ISG20: variants seen among roughly 807,000 people sequenced by gnomAD.
ISG20 encodes interferon stimulated exonuclease gene 20, also known as interferon-stimulated gene 20 kDa protein.
Under a neutral mutation model 11.1 loss-of-function variants are expected in ISG20, and 8 were observed. The ratio of observed to expected loss-of-function variants is 0.72; its 90% CI spans 0.42 to 1.30. The LOEUF is 1.30. Ranked by LOEUF, ISG20 falls within the 50% of genes most tolerant of loss-of-function variation. ISG20 has a pLI of 0.01. For missense variants in ISG20, 243 were observed against 250.2 expected, an observed-to-expected ratio of 0.97 and a Z score of 0.19; for synonymous variants, 110 against 101.7, an observed-to-expected ratio of 1.08 and a Z score of -0.49.
In ISG20 at chr15:88,650,357, C is replaced by T. The variant is rs1195836653; in HGVS notation, c.229-1753C>T. On this transcript the variant is annotated intron_variant, in intron 2 of 3. Coordinates refer to ENST00000306072, the MANE Select transcript of ISG20 (RefSeq NM_002201.6). The surrounding 1 kb of genome is among the most constrained non-coding windows in gnomAD (Gnocchi z 4.0). ...GAGGAACGCGGGGCTGGGGCAGTCA[C>T]AGCTGGGCGCCTGGGCTGCTGGAGG... 2 of 1,533,794 alleles carry T rather than the reference C, an allele frequency of 1.3e-6. No homozygotes were observed. Among genetic ancestry groups the T allele is most frequent in the Admixed American group, 3.9e-5 (2 of 50,940 alleles).
Position 88,656,463 on chromosome 15 carries a change from A to G in ISG20, c.*932A>G, listed in dbSNP as rs1567127255. 1 of 151,864 alleles carries G rather than the reference A, an allele frequency of 6.6e-6. No individual in the cohort carries two copies. The highest frequency in any genetic ancestry group is 1.5e-5 in the Non-Finnish European group (1 of 68,018). 9.4% of individuals were successfully genotyped at this position (151,864 alleles called of 1,614,324 possible). On this transcript the variant is annotated 3_prime_UTR_variant, in exon 4 of 4. Transcript: ENST00000306072. Reference sequence around the variant, plus strand: ...ATTAATAATTTAGTGCTTCCACTAAATAAAAATCATTGGAATGGTGTCCAA... The same window carrying G: ...ATTAATAATTTAGTGCTTCCACTAAGTAAAAATCATTGGAATGGTGTCCAA...
At chr15:88,645,296 G>T (rs753768700) in intron 2 of ISG20, among the ~76,000 whole-genome samples, 13 of 152,198 alleles carry the variant, frequency 8.5e-5, no homozygotes, top group Non-Finnish European at 1.8e-4. Flanking sequence ...CAGATGCCGT[G>T]ACATGGACTG....
chr15:88,646,539 CTG>C (rs752195151), intron 2 of ISG20, among the ~76,000 whole-genome samples: 2 of 152,232 alleles, frequency 1.3e-5, no homozygotes, highest in African/African-American at 4.8e-5. Context: ...TTATTTGTCT[CTG>C]TGGATGAGGA....
In ISG20 at chr15:88,650,139, G is replaced by T. The variant is rs2058249023; in HGVS notation, c.229-1971G>T. The stretch of plus-strand genomic sequence containing the variant: ...AAGGTCGTGGGCTACATGCAGAGAA[G>T]GAGACGAAGGCTGTCCTAGAGCTGT... On this transcript the variant is annotated intron_variant, in intron 2 of 3. Transcript: ENST00000306072. This position sits in a 1 kb window ranked among gnomAD's most constrained non-coding sequence, Gnocchi z 4.0. The T allele has an allele frequency of 9.9e-7, 1 of 1,006,920 alleles. No individual in the cohort carries two copies. The highest frequency in any genetic ancestry group is 1.6e-5 in the African/African-American group (1 of 63,006). 62.4% of individuals were successfully genotyped at this position (1,006,920 alleles called of 1,614,324 possible).
chr15:88,638,222 A>C (rs1369478276), upstream of ISG20, among the ~76,000 whole-genome samples: 1 of 152,238 alleles, frequency 6.6e-6, no homozygotes, highest in Admixed American at 6.5e-5. Flanking sequence ...ATCTCACCAC[A>C]GTGAAAGACA....
chr15:88,647,456 C>T (rs1211613027), intron 2 of ISG20: 1 of 152,176 alleles, frequency 6.6e-6, no homozygotes, highest in African/African-American at 2.4e-5. Flanking sequence ...CAGCTCCCTC[C>T]CCTGCCACGC....
At chr15:88,652,682 C>T (rs764034105) in intron 3 of ISG20, among the ~76,000 whole-genome samples, 1 of 141,854 alleles carries the variant, frequency 7.0e-6, no homozygotes, top group Non-Finnish European at 1.5e-5. Flanking sequence ...GGCAGCTTGC[C>T]TGAGGCATTG....
rs958278684 is a variant in ISG20 at position 88,645,413 on chromosome 15, G to A, written c.228+5819G>A. ...CTCTCCGACTTCTCTTGGGAACTGC[G>A]GTCTTCGATGCTGACCCTCGTTTTC... On this transcript the variant is annotated intron_variant, in intron 2 of 3. Coordinates refer to ENST00000306072, the MANE Select transcript of ISG20 (RefSeq NM_002201.6). Among the ~76,000 whole-genome samples the A allele has an allele frequency of 3.3e-5, 5 of 152,142 alleles. No individual in the cohort carries two copies. The East Asian group carries it at 5.8e-4, about 18-fold the overall frequency.
At chr15:88,647,801 G>C (rs1334778083) in intron 2 of ISG20, 1 of 152,270 alleles carries the variant, frequency 6.6e-6, no homozygotes, top group Admixed American at 6.5e-5. Flanking sequence ...CATCCACCCT[G>C]AGAAGCACCG....
chr15:88,655,739 C>A lies in ISG20; in HGVS notation c.*208C>A, dbSNP rs1045494980. 5.5e-5 allele frequency: 26 copies of A among 468,818 alleles called. No homozygotes were observed. In the Admixed American group the frequency reaches 1.0e-3, roughly 19 times the overall value. 29.0% of individuals were successfully genotyped at this position (468,818 alleles called of 1,614,324 possible). A position where few individuals can be genotyped will look rare whatever the true frequency, so the allele number is the denominator to read the frequency against. On this transcript the variant is annotated 3_prime_UTR_variant, in exon 4 of 4. Transcript: ENST00000306072. ...GTGTGATGTTAGGAGGGAATGAAGTCTTATGCTGGGGAGGTGGGCAAGTAT... is the reference window on the plus strand; with the variant it reads ...GTGTGATGTTAGGAGGGAATGAAGTATTATGCTGGGGAGGTGGGCAAGTAT...
chr15:88,652,037 C>T, intron 2 of ISG20, 73 bp from the exon 3 acceptor site: 2 of 1,599,766 alleles, frequency 1.3e-6, no homozygotes, highest in Non-Finnish European at 1.7e-6. Context: ...GGAGGGATTG[C>T]TCCCTTGCCA....
At position 88,652,286 on chromosome 15, in the gene ISG20, G is replaced by A. The variant is rs1382837509; in HGVS notation, c.405G>A (p.Glu135=). The A allele has an allele frequency of 1.9e-6, 3 of 1,613,516 alleles. No individual in the cohort carries two copies. The highest frequency in any genetic ancestry group is 2.2e-5 in the South Asian group (2 of 91,064). ...GTGTCTCCCTGCGGGTGCTGAGTGA[G>A]CGCCTCCTACACAAGAGCATCCAGG... The part of the protein sequence containing the change: ...CRRVSLRVLS[E]RLLHKSIQNS... The change falls in exon 3 of 4, where the codon GAG becomes GAA. Residue 135 remains glutamate, a synonymous_variant. Coordinates refer to ENST00000306072, the MANE Select transcript of ISG20 (RefSeq NM_002201.6).
chr15:88,644,630 A>G (rs1404133096), intron 2 of ISG20, among the ~76,000 whole-genome samples: 1 of 151,458 alleles, frequency 6.6e-6, no homozygotes, highest in African/African-American at 2.4e-5. Flanking sequence ...AGAGAATTGG[A>G]GTGAAGAAAA....
chr15:88,655,349 G>T (rs2141410273), intron 3 of ISG20, 66 bp from the exon 4 acceptor site: 1 of 1,419,900 alleles, frequency 7.0e-7, no homozygotes, highest in South Asian at 1.2e-5. Flanking sequence ...GACCAGGGAA[G>T]ACCCTGTCAC....
rs2058119592 is a variant in ISG20 at position 88,643,669 on chromosome 15, C to T, written c.228+4075C>T. Reference sequence around the variant, plus strand: ...CAGTGAGCCAAGATCGTGCCACTGCCACTCCAGCCTGGGCGACAGAGCAAG... The same window carrying T: ...CAGTGAGCCAAGATCGTGCCACTGCTACTCCAGCCTGGGCGACAGAGCAAG... On this transcript the variant is annotated intron_variant, in intron 2 of 3. Transcript: ENST00000306072. The surrounding 1 kb of genome is among the most constrained non-coding windows in gnomAD (Gnocchi z 4.4). Among the ~76,000 whole-genome samples the T allele has an allele frequency of 6.6e-6, 1 of 152,072 alleles. No homozygotes were observed. Among genetic ancestry groups the T allele is most frequent in the Non-Finnish European group, 1.5e-5 (1 of 68,002 alleles).
At chr15:88,641,391 G>C (rs1241098111) in intron 2 of ISG20, among the ~76,000 whole-genome samples, 1 of 152,154 alleles carries the variant, frequency 6.6e-6, no homozygotes, top group African/African-American at 2.4e-5. Context: ...CACACTGGTG[G>C]CTTAAACAAC....
At position 88,650,060 on chromosome 15, in the gene ISG20, C is replaced by A; in HGVS notation, c.229-2050C>A. ...GCCGCTGGCTATCTAGAAGGAGAAG[C>A]AGGCTACGGGGAAGGTGTTAGGCAC... On this transcript the variant is annotated intron_variant, in intron 2 of 3. Coordinates refer to ENST00000306072, the MANE Select transcript of ISG20 (RefSeq NM_002201.6). This position sits in a 1 kb window ranked among gnomAD's most constrained non-coding sequence, Gnocchi z 4.0. 1 of 598,296 alleles carries A rather than the reference C, an allele frequency of 1.7e-6. No individual in the cohort carries two copies. The highest frequency in any genetic ancestry group is 3.0e-6 in the Non-Finnish European group (1 of 334,306). The allele number at this position is 598,296 out of a possible 1,614,324, so 37.1% of individuals were successfully genotyped here.
rs1275666697 is a variant in ISG20, at chr15:88,639,208, C to G, written c.-25+132C>G. ...GGCAGGGGATGGGGGAGGCAAGAGG[C>G]CAGCTTCCACTGTGGCCAGGTGGTG... On this transcript the variant is annotated intron_variant, in intron 1 of 3. Coordinates refer to ENST00000306072, the MANE Select transcript of ISG20 (RefSeq NM_002201.6). This position sits in a 1 kb window ranked among gnomAD's most constrained non-coding sequence, Gnocchi z 4.2. 2 of 620,364 alleles carry G rather than the reference C, an allele frequency of 3.2e-6. No individual in the cohort carries two copies. Among genetic ancestry groups the G allele is most frequent in the East Asian group, 2.7e-5 (1 of 36,486 alleles). 38.4% of individuals were successfully genotyped at this position (620,364 alleles called of 1,614,324 possible). A position where few individuals can be genotyped will look rare whatever the true frequency, so the allele number is the denominator to read the frequency against.
chr15:88,639,882 G>C lies in ISG20; in HGVS notation c.228+288G>C, dbSNP rs1415630556. ...TGAGTTCCCCCACACAGTGACTTGG[G>C]GTCTACATTCCCCATTCTTCCCTCT... On this transcript the variant is annotated intron_variant, in intron 2 of 3. Coordinates refer to ENST00000306072, the MANE Select transcript of ISG20 (RefSeq NM_002201.6). The surrounding 1 kb of genome is among the most constrained non-coding windows in gnomAD (Gnocchi z 4.2). 2.0e-5 allele frequency among the ~76,000 whole-genome samples: 3 copies of C among 152,240 alleles called. No homozygotes were observed. In the Middle Eastern group the frequency reaches 0.01, roughly 518 times the overall value.
Sources: allele counts gnomAD v4.1 joint callset (sites outside exome capture counted in the v4.1 genomes callset), GRCh38; gene constraint gnomAD v4.1.1; non-coding constraint Gnocchi (gnomAD v3.1); transcripts MANE v1.5; gene names NCBI Gene and HGNC (gene_info 2026-07-23, HGNC 2026-07-21).